ELMO1: variants seen among roughly 807,000 people sequenced by gnomAD.
The protein encoded by ELMO1 is engulfment and cell motility 1.
ELMO1 carries 26 observed loss-of-function variants against 98.9 expected under a neutral mutation model. The observed-to-expected ratio is 0.26, with a 90% CI of 0.19 to 0.36. The LOEUF (loss-of-function observed/expected upper bound fraction) is 0.36. Ranked by LOEUF, ELMO1 falls within the 10% of genes least tolerant of loss-of-function variation. The probability of loss-of-function intolerance (pLI) is 1.00; values close to 1 mark genes in which losing one functional copy is unlikely to be tolerated. For synonymous variants in ELMO1, 346 were observed against 346.0 expected (o/e 1.00, Z 0.00); for missense variants, 627 against 935.2 (o/e 0.67, Z 4.30).
chr7:37,276,396 C>T (rs1050144719), intron 4 of ELMO1, among the ~76,000 whole-genome samples: 5 of 152,122 alleles, frequency 3.3e-5, no homozygotes, highest in Admixed American at 3.3e-4. Flanking sequence ...ATCACGAGGT[C>T]AGGAGATCGA....
At chr7:37,262,644 G>A (rs1034068085) in intron 5 of ELMO1, among the ~76,000 whole-genome samples, 1 of 152,146 alleles carries the variant, frequency 6.6e-6, no homozygotes, top group Non-Finnish European at 1.5e-5. Context: ...TTGCTTTAGG[G>A]TAAATTTCCC....
intron 6 of ELMO1, among the ~76,000 whole-genome samples, chr7:37,250,242 C>T (rs1306775475): frequency 2.6e-5 from 4 of 152,032 alleles, no homozygotes; most frequent in African/African-American, 7.2e-5. Context: ...TGAAACAGTA[C>T]GCATGCAACA....
At chr7:36,890,494 C>T (rs1348978598) in intron 17 of ELMO1, among the ~76,000 whole-genome samples, 2 of 152,318 alleles carry the variant, frequency 1.3e-5, no homozygotes, top group East Asian at 3.9e-4. Context: ...TGATCCCCTG[C>T]TCCACTTGCT....
At chr7:37,225,608 A>G (rs191569848) in intron 8 of ELMO1, among the ~76,000 whole-genome samples, 2 of 152,366 alleles carry the variant, frequency 1.3e-5, no homozygotes, top group East Asian at 1.9e-4. Context: ...TCTGATGGTT[A>G]AAACAAGTTC....
chr7:37,330,682 C>T (rs527931411), intron 2 of ELMO1, among the ~76,000 whole-genome samples: 31 of 152,310 alleles, frequency 2.0e-4, no homozygotes, highest in Middle Eastern at 3.4e-3. Flanking sequence ...GAGAGCAAAA[C>T]GAGCATGAAT....
At chr7:36,861,507 AAG>A (rs1325604770) in intron 21 of ELMO1, 150 bp downstream of exon 21, 2 of 777,650 alleles carry the variant, frequency 2.6e-6, no homozygotes, top group East Asian at 2.6e-5. Flanking sequence ...GCAGTTTGTC[AAG>A]AGGTTTCTAT....
intron 1 of ELMO1, among the ~76,000 whole-genome samples, chr7:37,361,283 A>G (rs919865518): frequency 6.6e-6 from 1 of 152,242 alleles, no homozygotes. Flanking sequence ...TCATCCATAC[A>G]ATGGAAGACT....
chr7:37,146,602 C>A lies in ELMO1; in HGVS notation c.1087-13368G>T, dbSNP rs544798042. Among the ~76,000 whole-genome samples the A allele has an allele frequency of 9.9e-5, 15 of 152,242 alleles. No homozygotes were observed. In the South Asian group the frequency reaches 3.1e-3, roughly 32 times the overall value. On this transcript the variant is annotated intron_variant, in intron 13 of 21. Coordinates refer to ENST00000310758, the MANE Select transcript of ELMO1 (RefSeq NM_014800.11). Reference sequence around the variant, plus strand: ...CTGTTGAAGGCCTCTGACTTTGTAACCCCCAACATGGACCAGTGTCCCAAA... The same window carrying A: ...CTGTTGAAGGCCTCTGACTTTGTAAACCCCAACATGGACCAGTGTCCCAAA...
intron 14 of ELMO1, among the ~76,000 whole-genome samples, chr7:37,121,116 C>G (rs1315438216): frequency 1.3e-5 from 2 of 152,130 alleles, no homozygotes; most frequent in Non-Finnish European, 2.9e-5. Context: ...ACACCAAAAC[C>G]CCATCTGCAC....
At chr7:36,897,703 CTT>C (rs1169309067) in intron 16 of ELMO1, among the ~76,000 whole-genome samples, 1 of 152,202 alleles carries the variant, frequency 6.6e-6, no homozygotes, top group African/African-American at 2.4e-5. Flanking sequence ...GTGGGGAACT[CTT>C]TAACTCCTAT....
At chr7:37,159,560 C>T (rs1023832650) in intron 13 of ELMO1, among the ~76,000 whole-genome samples, 7 of 152,128 alleles carry the variant, frequency 4.6e-5, no homozygotes, top group Middle Eastern at 3.4e-3. Context: ...ATTAGCCAGG[C>T]GTGGTGGTGT....
chr7:37,385,672 G>A (rs1052549045), intron 1 of ELMO1, among the ~76,000 whole-genome samples: 1 of 152,230 alleles, frequency 6.6e-6, no homozygotes, highest in African/African-American at 2.4e-5. Context: ...GTTTCCCACT[G>A]TATCCCGTGT....
chr7:37,110,837 C>G (rs1300126203), intron 14 of ELMO1, among the ~76,000 whole-genome samples: 2 of 152,150 alleles, frequency 1.3e-5, no homozygotes, highest in Non-Finnish European at 2.9e-5. Flanking sequence ...CTGAAAGAAT[C>G]CAGGATTTCC....
chr7:37,390,638 T>C (rs1241882666), intron 1 of ELMO1, among the ~76,000 whole-genome samples: 1 of 152,078 alleles, frequency 6.6e-6, no homozygotes. Context: ...CCTGACCCAG[T>C]AAAAAAATCA....
chr7:37,418,938 G>A (rs374539769), intron 1 of ELMO1, among the ~76,000 whole-genome samples: 21 of 152,202 alleles, frequency 1.4e-4, no homozygotes, highest in African/African-American at 4.8e-4. Flanking sequence ...AAGCAGCTAC[G>A]GAACATGAGT....
At chr7:36,912,080 A>G (rs1026222470) in intron 16 of ELMO1, among the ~76,000 whole-genome samples, 3 of 152,238 alleles carry the variant, frequency 2.0e-5, no homozygotes, top group African/African-American at 7.2e-5. Context: ...TGCATGACAA[A>G]TATTGATATC....
chr7:36,927,451 T>C (rs1785672781), intron 16 of ELMO1, among the ~76,000 whole-genome samples: 1 of 152,244 alleles, frequency 6.6e-6, no homozygotes, highest in African/African-American at 2.4e-5. Flanking sequence ...CCATGGAATA[T>C]AATTTACAAT....
At chr7:37,166,445 G>C (rs1011985414) in intron 13 of ELMO1, among the ~76,000 whole-genome samples, 3 of 151,992 alleles carry the variant, frequency 2.0e-5, no homozygotes, top group Non-Finnish European at 4.4e-5. Flanking sequence ...GTCAATTTTG[G>C]ATCTTTCCTG....
At chr7:37,030,457 T>G (rs1484667385) in intron 15 of ELMO1, among the ~76,000 whole-genome samples, 1 of 149,312 alleles carries the variant, frequency 6.7e-6, no homozygotes, top group Non-Finnish European at 1.5e-5. Context: ...CTACAACACA[T>G]AGCAGTGACC....
Sources: gnomAD v4.1 joint callset for allele counts (sites outside exome capture counted in the v4.1 genomes callset) on GRCh38, gnomAD v4.1.1 for gene constraint, MANE v1.5 for transcripts, NCBI Gene and HGNC (gene_info 2026-07-23, HGNC 2026-07-21) for gene names.